FHOD3: variants seen among roughly 807,000 people sequenced by gnomAD.
FHOD3 encodes FH1/FH2 domain-containing protein 3.
Under a neutral mutation model 173.0 loss-of-function variants are expected in FHOD3, and 90 were observed. That is an observed-to-expected ratio of 0.52 (90% CI 0.44 to 0.62). The LOEUF (loss-of-function observed/expected upper bound fraction) is 0.62, where lower values mean the gene tolerates loss of function less well. Ranked by LOEUF, FHOD3 falls within the 20% of genes least tolerant of loss-of-function variation. The pLI is 0.00. For missense variants in FHOD3, 1,945 were observed against 2,034.7 expected (o/e 0.96, Z 0.85); for synonymous variants, 828 against 823.0 (o/e 1.01, Z -0.10).
At chr18:36,374,626 T>C (rs2047346955) in intron 3 of FHOD3, among the ~76,000 whole-genome samples, 1 of 152,250 alleles carries the variant, frequency 6.6e-6, no homozygotes, top group East Asian at 1.9e-4. Context: ...AAGAGGATTC[T>C]ACTCTTCATA....
At chr18:36,335,410 G>C (rs1157898596) in intron 1 of FHOD3, among the ~76,000 whole-genome samples, 1 of 151,390 alleles carries the variant, frequency 6.6e-6, no homozygotes, top group African/African-American at 2.4e-5. Context: ...CAGGAGAATG[G>C]CGTGAACCCG....
intron 3 of FHOD3, among the ~76,000 whole-genome samples, chr18:36,381,129 C>G (rs1200273855): frequency 1.3e-5 from 2 of 152,186 alleles, no homozygotes; most frequent in African/African-American, 4.8e-5. Context: ...TTTGAGAAGT[C>G]TGGGAAGTGC....
At chr18:36,739,175 C>A (rs1339622746) in intron 20 of FHOD3, among the ~76,000 whole-genome samples, 2 of 152,200 alleles carry the variant, frequency 1.3e-5, no homozygotes, top group Non-Finnish European at 2.9e-5. Flanking sequence ...CTTTCCAGGG[C>A]AAGACCAAAA....
intron 1 of FHOD3, among the ~76,000 whole-genome samples, chr18:36,317,303 T>A (rs113557546): frequency 0.087 from 13,313 of 152,264 alleles, 1,880 homozygotes; most frequent in African/African-American, 0.3. Flanking sequence ...TGCCACACTG[T>A]CTTCCACAAT....
At chr18:36,352,184 G>C (rs944558886) in intron 1 of FHOD3, among the ~76,000 whole-genome samples, 2 of 151,986 alleles carry the variant, frequency 1.3e-5, no homozygotes, top group Non-Finnish European at 2.9e-5. Context: ...GGCCGGGGTG[G>C]GAGGATTGCT....
chr18:36,742,930 G>T, intron 22 of FHOD3, 74 bp downstream of exon 22: 2 of 1,543,778 alleles, frequency 1.3e-6, no homozygotes, highest in South Asian at 1.3e-5. Flanking sequence ...GCTGATGAAG[G>T]TTGTACCTCA....
intron 1 of FHOD3, 70 bp from the exon 2 acceptor site, chr18:36,355,469 G>A (rs533467709): frequency 3.8e-4 from 472 of 1,255,582 alleles, no homozygotes; most frequent in Middle Eastern, 7.5e-4. Context: ...AGGGCAACAT[G>A]ATGTGATTTC....
At chr18:36,577,401 C>G (rs533047485) in intron 6 of FHOD3, among the ~76,000 whole-genome samples, 2 of 152,088 alleles carry the variant, frequency 1.3e-5, no homozygotes, top group Non-Finnish European at 2.9e-5. Flanking sequence ...CTCCTGAGTT[C>G]GAGCAAATCC....
intron 24 of FHOD3, 143 bp from the exon 25 acceptor site, chr18:36,754,976 T>TTTATTATTATTA (rs142900451): frequency 3.0e-4 from 50 of 168,264 alleles, no homozygotes; most frequent in East Asian, 1.5e-3. Context: ...TGTTGGTTTC[T>TTTATTATTATTA]TTATTATTAT....
At chr18:36,393,163 C>T (rs2146512866) in intron 3 of FHOD3, among the ~76,000 whole-genome samples, 1 of 152,348 alleles carries the variant, frequency 6.6e-6, no homozygotes, top group Non-Finnish European at 1.5e-5. Flanking sequence ...TCTGGGACGG[C>T]TGCAGGGCAG....
At chr18:36,520,732 G>A (rs2056233074) in intron 5 of FHOD3, among the ~76,000 whole-genome samples, 1 of 152,210 alleles carries the variant, frequency 6.6e-6, no homozygotes, top group Admixed American at 6.5e-5. Flanking sequence ...TCTACTGGAA[G>A]TCTCTTTCTC....
At chr18:36,396,817 G>A (rs1246905441) in intron 3 of FHOD3, among the ~76,000 whole-genome samples, 1 of 151,724 alleles carries the variant, frequency 6.6e-6, no homozygotes, top group Non-Finnish European at 1.5e-5. Flanking sequence ...ATATTTTTAT[G>A]TTGCTCATTT....
intron 1 of FHOD3, among the ~76,000 whole-genome samples, chr18:36,318,156 G>A (rs982156957): frequency 1.4e-4 from 21 of 152,248 alleles, no homozygotes; most frequent in East Asian, 1.2e-3. Flanking sequence ...GTCAGGTAGC[G>A]TGATGCCTCC....
chr18:36,427,701 C>T (rs2050324126), intron 3 of FHOD3, among the ~76,000 whole-genome samples: 2 of 152,200 alleles, frequency 1.3e-5, no homozygotes, highest in Admixed American at 6.5e-5. Context: ...CTGTTTTTTT[C>T]ATGTCTGCAC....
intron 5 of FHOD3, among the ~76,000 whole-genome samples, 175 bp from the exon 6 acceptor site, chr18:36,576,274 GAC>G (rs2058645267): frequency 6.6e-6 from 1 of 152,164 alleles, no homozygotes; most frequent in African/African-American, 2.4e-5. Context: ...TCTAGTGTTC[GAC>G]ACTTTCTCTC....
chr18:36,706,036 G>A (rs2039861410), intron 17 of FHOD3, among the ~76,000 whole-genome samples: 1 of 151,846 alleles, frequency 6.6e-6, no homozygotes, highest in African/African-American at 2.4e-5. Flanking sequence ...GAAAGATAAT[G>A]GGAAAGGGGA....
At position 36,718,467 on chromosome 18, in the gene FHOD3, C is replaced by T. The variant is rs575280361; in HGVS notation, c.3169C>T (p.Pro1057Ser). The T allele has an allele frequency of 1.2e-6, 2 of 1,607,946 alleles. No homozygotes were observed. Among genetic ancestry groups the T allele is most frequent in the Admixed American group, 1.7e-5 (1 of 59,200 alleles). Residue 1057 changes from proline (P) to serine (S), a missense_variant, in exon 19 of 29, where the codon CCT (proline) becomes TCT (serine). Physicochemically the swap from Pro to Ser is moderately conservative, Grantham distance 74. Around this residue, in one of 5 missense-constraint regions of FHOD3, gnomAD observed 1,099 missense variants for 1,051.2 expected, o/e 1.05. Coordinates refer to ENST00000590592, the MANE Select transcript of FHOD3 (RefSeq NM_001281740.3). The part of the protein sequence containing the change: ...PPVPGNLLVP[P>S]PPVFNAPQGL... ...TGTCCCTGGTAATTTATTGGTTCCT[C>T]CTCCTCCAGTGTTCAACGCTCCTCA...
chr18:36,619,933 G>C (rs372405046), intron 9 of FHOD3, among the ~76,000 whole-genome samples: 8 of 152,276 alleles, frequency 5.3e-5, no homozygotes, highest in African/African-American at 1.9e-4. Context: ...AAGGAGGCTG[G>C]GTGGCTACAG....
At chr18:36,482,319 G>A (rs531274882) in intron 3 of FHOD3, among the ~76,000 whole-genome samples, 5 of 152,068 alleles carry the variant, frequency 3.3e-5, no homozygotes, top group Admixed American at 6.5e-5. Flanking sequence ...AAACAGACAC[G>A]TGCTTCTGAA....
Sources: allele counts gnomAD v4.1 joint callset (sites outside exome capture counted in the v4.1 genomes callset), GRCh38; gene constraint gnomAD v4.1.1; regional missense constraint gnomAD v4.1.1; transcripts MANE v1.5; gene names NCBI Gene and HGNC (gene_info 2026-07-23, HGNC 2026-07-21).